The following ATP2A3 variants were observed in gnomAD, a reference collection of about 807,000 sequenced individuals.
ATP2A3 encodes sarcoplasmic/endoplasmic reticulum calcium ATPase 3.
ATP2A3 carries 61 observed loss-of-function variants against 106.8 expected under a neutral mutation model. The ratio of observed to expected loss-of-function variants is 0.57; its 90% CI spans 0.46 to 0.71. The LOEUF (loss-of-function observed/expected upper bound fraction) is 0.71. Ranked by LOEUF, ATP2A3 falls within the 30% of genes least tolerant of loss-of-function variation. The pLI, the probability that ATP2A3 is intolerant of heterozygous loss-of-function variation, is 0.00. For synonymous variants in ATP2A3, 611 were observed against 609.3 expected (o/e 1.00, Z -0.04); for missense variants, 1,201 against 1,423.5 (o/e 0.84, Z 2.52).
At chr17:3,943,836 TCCCTG>T (rs2053926345) in intron 10 of ATP2A3, among the ~76,000 whole-genome samples, 1 of 151,934 alleles carries the variant, frequency 6.6e-6, no homozygotes, top group South Asian at 2.1e-4. Flanking sequence ...CCACCTGCTC[TCCCTG>T]GGGCCCTTTG....
rs550002635 is a variant in ATP2A3 at position 3,933,632 on chromosome 17, A to G, written c.2610+1560T>C. ...GCGCCTGTAGTCCCAGCTAATGGGGAGGCTGAGGCAGGGGAATCACTTGAA... is the reference window on the plus strand; with the variant it reads ...GCGCCTGTAGTCCCAGCTAATGGGGGGGCTGAGGCAGGGGAATCACTTGAA... On this transcript the variant is annotated intron_variant, in intron 17 of 20. Transcript: ENST00000397041. Among the ~76,000 whole-genome samples the G allele has an allele frequency of 3.0e-4, 46 of 151,204 alleles. 1 individual carries two copies. The highest frequency in any genetic ancestry group is 1.0e-3 in the African/African-American group (41 of 40,766).
Position 3,930,376 on chromosome 17 carries a change from A to G in ATP2A3, c.2669T>C (p.Val890Ala). Residue 890 changes from valine to alanine, a missense_variant, in exon 18 of 21, where the codon GTG becomes GCG. Physicochemically the swap from Val to Ala is moderately conservative, Grantham distance 64. Transcript: ENST00000397041. The surrounding 1 kb of genome is among the most constrained non-coding windows in gnomAD (Gnocchi z 5.4). ...NPLFAGIDCE[V>A]FESRFPTTMA... is the part of the protein sequence containing the mutation. Reference sequence around the variant, plus strand: ...GGTGGTGGGGAAGCGTGACTCGAACACCTCACAGTCGATGCCGGCAAAGAG... The same window carrying G: ...GGTGGTGGGGAAGCGTGACTCGAACGCCTCACAGTCGATGCCGGCAAAGAG... The G allele has an allele frequency of 6.2e-7, 1 of 1,613,910 alleles. No homozygotes were observed. The highest frequency in any genetic ancestry group is 8.5e-7 in the Non-Finnish European group (1 of 1,179,980).
intron 17 of ATP2A3, among the ~76,000 whole-genome samples, chr17:3,933,660 C>G (rs917060059): frequency 2.6e-5 from 4 of 151,088 alleles, no homozygotes; most frequent in South Asian, 2.1e-4. Flanking sequence ...CACTTGAACC[C>G]GGGAGGTGGA....
At chr17:3,949,591 C>A (rs190490360) in intron 7 of ATP2A3, among the ~76,000 whole-genome samples, 35 of 152,330 alleles carry the variant, frequency 2.3e-4, no homozygotes, top group Non-Finnish European at 4.6e-4. Context: ...TGAGTTCGTC[C>A]CAGCTGTGCC....
intron 11 of ATP2A3, among the ~76,000 whole-genome samples, chr17:3,943,142 A>G (rs1321899673): frequency 1.3e-5 from 2 of 152,090 alleles, no homozygotes; most frequent in Non-Finnish European, 2.9e-5. Context: ...TGCAAAAATT[A>G]GCCGGGTGTG....
chr17:3,950,683 G>A lies in ATP2A3; in HGVS notation c.544+10C>T, dbSNP rs2054366240. 1 of 1,613,966 alleles carries A rather than the reference G, an allele frequency of 6.2e-7. No individual in the cohort carries two copies. Among genetic ancestry groups the A allele is most frequent in the South Asian group, 1.1e-5 (1 of 91,076 alleles). On this transcript the variant is annotated intron_variant, in intron 6 of 20. Transcript: ENST00000397041. ...CCCACTAGGTCCCGGCCTCCTGGGGGGGGCCTCACCCGTCAGGATGGACTG... is the reference window on the plus strand; with the variant it reads ...CCCACTAGGTCCCGGCCTCCTGGGGAGGGCCTCACCCGTCAGGATGGACTG...
At chr17:3,942,808 C>A in intron 11 of ATP2A3, 77 bp from the exon 12 acceptor site, 1 of 1,592,392 alleles carries the variant, frequency 6.3e-7, no homozygotes, top group Admixed American at 1.7e-5. Flanking sequence ...ACTGCTTGGC[C>A]CCAAGAGAGC....
chr17:3,940,341 A>T (rs988264869), intron 14 of ATP2A3, among the ~76,000 whole-genome samples: 1 of 152,140 alleles, frequency 6.6e-6, no homozygotes, highest in African/African-American at 2.4e-5. Context: ...GTGAGGGGGA[A>T]GTATGCCGAT....
At position 3,929,020 on chromosome 17, in the gene ATP2A3, C is replaced by T. The variant is rs1295690395; in HGVS notation, c.2863-240G>A. 6.6e-6 allele frequency among the ~76,000 whole-genome samples: 1 copy of T among 152,122 alleles called. No homozygotes were observed. Among genetic ancestry groups the T allele is most frequent in the Non-Finnish European group, 1.5e-5 (1 of 68,012 alleles). ...TCTGCCTCAAGGGCCCACCTCTGCC[C>T]TTGCCCACTGGGTCAACTCCCATCC... On this transcript the variant is annotated intron_variant, in intron 19 of 20. Transcript: ENST00000397041. This position sits in a 1 kb window ranked among gnomAD's most constrained non-coding sequence, Gnocchi z 4.3.
Position 3,925,931 on chromosome 17 carries a change from A to G in ATP2A3, c.2981-490T>C, listed in dbSNP as rs1352479101. 1.3e-5 allele frequency among the ~76,000 whole-genome samples: 2 copies of G among 151,202 alleles called. No individual in the cohort carries two copies. Among genetic ancestry groups the G allele is most frequent in the Non-Finnish European group, 2.9e-5 (2 of 67,834 alleles). The stretch of plus-strand genomic sequence containing the variant: ...TACTTCTGCCCCTAGCATCAAGCAA[A>G]AGCCGAAATCCAGTCCCAACACCCC... On this transcript the variant is annotated intron_variant, in intron 20 of 20. Transcript: ENST00000397041. This position sits in a 1 kb window ranked among gnomAD's most constrained non-coding sequence, Gnocchi z 4.2.
At chr17:3,960,682 C>T (rs555850704) in intron 1 of ATP2A3, among the ~76,000 whole-genome samples, 19 of 152,324 alleles carry the variant, frequency 1.2e-4, no homozygotes, top group Non-Finnish European at 2.2e-4. Flanking sequence ...AGCAAACCTA[C>T]GAGAGGACTC....
chr17:3,942,777 C>T, intron 11 of ATP2A3, 46 bp from the exon 12 acceptor site: 1 of 1,605,706 alleles, frequency 6.2e-7, no homozygotes. Flanking sequence ...GAGCCAGCAA[C>T]TCTCGCCTGC....
Position 3,941,249 on chromosome 17 carries a change from C to G in ATP2A3, c.1822G>C (p.Ala608Pro), listed in dbSNP as rs1209969128. The change falls in exon 14 of 21, where the codon GCT (alanine) becomes CCT (proline). Residue 608 changes from alanine to proline, a missense_variant. Ala to Pro is a conservative substitution (Grantham distance 27). Around this residue, in one of 2 missense-constraint regions of ATP2A3, gnomAD observed 935 missense variants for 1,176.7 expected, o/e 0.79. Transcript: ENST00000397041. ...TGGTAGCAGCGTGTGATGCAGGCAGCCACCTCAGGTCGCGGCGGGTCCAGC... is the reference window on the plus strand; with the variant it reads ...TGGTAGCAGCGTGTGATGCAGGCAGGCACCTCAGGTCGCGGCGGGTCCAGC... ...GMLDPPRPEV[A>P]ACITRCYQAG... 2 of 1,613,992 alleles carry G rather than the reference C, an allele frequency of 1.2e-6. No individual in the cohort carries two copies. The highest frequency in any genetic ancestry group is 1.7e-6 in the Non-Finnish European group (2 of 1,180,018).
chr17:3,962,331 A>G (rs543306533), intron 1 of ATP2A3, among the ~76,000 whole-genome samples: 1 of 152,310 alleles, frequency 6.6e-6, no homozygotes, highest in African/African-American at 2.4e-5. Flanking sequence ...TAAAATGGGG[A>G]TGACAACAGT....
At chr17:3,951,438 G>GACC in intron 4 of ATP2A3, 49 bp from the exon 5 acceptor site, 1 of 1,612,424 alleles carries the variant, frequency 6.2e-7, no homozygotes, top group Non-Finnish European at 8.5e-7. Flanking sequence ...GCCCCCCGCA[G>GACC]ACCACCCCCT....
intron 17 of ATP2A3, among the ~76,000 whole-genome samples, chr17:3,932,991 G>A (rs1353917941): frequency 6.6e-6 from 1 of 151,272 alleles, no homozygotes; most frequent in Admixed American, 6.6e-5. Flanking sequence ...GATCATGTCA[G>A]GATGTTTCGG....
rs781518813 is a variant in ATP2A3 at position 3,950,582 on chromosome 17, C to A, written c.559G>T (p.Val187Leu). The change falls in exon 7 of 21, where the codon GTG becomes TTG. Residue 187 changes from valine (V) to leucine (L), a missense_variant. Physicochemically the swap from Val to Leu is conservative, Grantham distance 32 (BLOSUM62 1). Coordinates refer to ENST00000397041, the MANE Select transcript of ATP2A3 (RefSeq NM_005173.4). ...GGGATGGCCTCTGTGTGCTTGGTCA[C>A]GGACACAGATTCACCTGGTCAGGGA... ...QSILTGESVSVTKHTEAIPDP... is the reference protein window; with the variant it reads ...QSILTGESVSLTKHTEAIPDP... 6.2e-7 allele frequency: 1 copy of A among 1,614,044 alleles called. No homozygotes were observed. Among genetic ancestry groups the A allele is most frequent in the Non-Finnish European group, 8.5e-7 (1 of 1,180,022 alleles).
rs1046909157 is a variant in ATP2A3, at chr17:3,928,617, G to A, written c.2980+46C>T. 1.4e-6 allele frequency: 2 copies of A among 1,477,942 alleles called. No homozygotes were observed. The highest frequency in any genetic ancestry group is 1.8e-4 in the Middle Eastern group (1 of 5,634). 91.6% of individuals were successfully genotyped at this position (1,477,942 alleles called of 1,614,324 possible). A position where few individuals can be genotyped will look rare whatever the true frequency, so the allele number is the denominator to read the frequency against. On this transcript the variant is annotated intron_variant, in intron 20 of 20. Coordinates refer to ENST00000397041, the MANE Select transcript of ATP2A3 (RefSeq NM_005173.4). The surrounding 1 kb of genome is among the most constrained non-coding windows in gnomAD (Gnocchi z 6.1). Reference sequence around the variant, plus strand: ...CGTCCACTGCAGCCCAGGAGCAGAGGCGGGCGGGGAGGCAGGCTGGAGGCG... The same window carrying A: ...CGTCCACTGCAGCCCAGGAGCAGAGACGGGCGGGGAGGCAGGCTGGAGGCG...
rs368127290 is a variant in ATP2A3, at chr17:3,945,117, G to A, written c.1127C>T (p.Ser376Phe). Residue 376 changes from serine to phenylalanine, a missense_variant, in exon 9 of 21, where the codon TCC becomes TTC. This residue lies in a region of ATP2A3 where 935 missense variants were observed against 1,176.7 expected (regional missense o/e 0.79). Coordinates refer to ENST00000397041, the MANE Select transcript of ATP2A3 (RefSeq NM_005173.4). ...MFVVAEADAG[S>F]CLLHEFTISG... Reference sequence around the variant, plus strand: ...GATGGTGAACTCGTGCAAAAGGCAGGAGCCCGCATCGGCCTCGGCTACCAC... The same window carrying A: ...GATGGTGAACTCGTGCAAAAGGCAGAAGCCCGCATCGGCCTCGGCTACCAC... 2.6e-6 allele frequency: 4 copies of A among 1,548,236 alleles called. No homozygotes were observed. Among genetic ancestry groups the A allele is most frequent in the Admixed American group, 3.9e-5 (2 of 50,914 alleles).
Sources: allele counts gnomAD v4.1 joint callset (sites outside exome capture counted in the v4.1 genomes callset), GRCh38; gene constraint gnomAD v4.1.1; regional missense constraint gnomAD v4.1.1; non-coding constraint Gnocchi (gnomAD v3.1); transcripts MANE v1.5; gene names NCBI Gene and HGNC (gene_info 2026-07-23, HGNC 2026-07-21).